PAK5: variants seen among roughly 807,000 people sequenced by gnomAD.
PAK5 encodes p21 (RAC1) activated kinase 5, also known as serine/threonine-protein kinase PAK 5.
In PAK5, 16 loss-of-function variants were observed where a neutral mutation model predicts 65.9. The observed-to-expected ratio is 0.24, with a 90% CI of 0.16 to 0.37. PAK5 has a LOEUF of 0.37. Ranked by LOEUF, PAK5 falls within the 10% of genes least tolerant of loss-of-function variation. The pLI is 1.00. For synonymous variants in PAK5, 371 were observed against 354.9 expected (o/e 1.05, Z -0.51); for missense variants, 785 against 903.9 (o/e 0.87, Z 1.69).
At position 9,677,077 on chromosome 20, in the gene PAK5, GTGTGTGTGTGT is replaced by G. The variant is rs773573940; in HGVS notation, c.-11-32749_-11-32739del. Among the ~76,000 whole-genome samples the G allele has an allele frequency of 7.3e-4, 73 of 100,666 alleles. 1 individual carries two copies. Among genetic ancestry groups the G allele is most frequent in the Non-Finnish European group, 1.4e-3 (64 of 44,154 alleles). 66.0% of individuals were successfully genotyped at this position (100,666 alleles called of 152,430 possible). On this transcript the variant is annotated intron_variant, in intron 2 of 9. Coordinates refer to ENST00000353224, the MANE Select transcript of PAK5 (RefSeq NM_177990.4). ...TGTGTGTGTGTGTGTGTGTGTGTGT[GTGTGTGTGTGT>G]TTGTTGTTATAATTATTTTGCATGG...
intron 1 of PAK5, among the ~76,000 whole-genome samples, chr20:9,804,369 CAT>C (rs1480693561): frequency 6.6e-6 from 1 of 152,132 alleles, no homozygotes; most frequent in African/African-American, 2.4e-5. Context: ...AGAGGATAGA[CAT>C]ATACATCAAT....
At chr20:9,742,726 G>A (rs896926608) in intron 1 of PAK5, among the ~76,000 whole-genome samples, 1 of 152,074 alleles carries the variant, frequency 6.6e-6, no homozygotes, top group African/African-American at 2.4e-5. Flanking sequence ...AAATGGTAAG[G>A]CCTCAAAAGT....
intron 2 of PAK5, among the ~76,000 whole-genome samples, chr20:9,682,930 T>C (rs1243723333): frequency 1.3e-5 from 2 of 152,220 alleles, no homozygotes. Context: ...ATATATTCTG[T>C]GAAAGAAGCT....
chr20:9,705,026 T>A (rs1455957912), intron 2 of PAK5, among the ~76,000 whole-genome samples: 1 of 152,192 alleles, frequency 6.6e-6, no homozygotes, highest in African/African-American at 2.4e-5. Context: ...TAGTTTTATG[T>A]CTAGAGGCAT....
chr20:9,744,973 T>C (rs1330571315), intron 1 of PAK5, among the ~76,000 whole-genome samples: 1 of 152,148 alleles, frequency 6.6e-6, no homozygotes, highest in Non-Finnish European at 1.5e-5. Context: ...GAAAAAATTT[T>C]AACAACAGGA....
intron 2 of PAK5, among the ~76,000 whole-genome samples, chr20:9,676,790 A>T (rs7262009): frequency 1.3e-5 from 2 of 152,164 alleles, no homozygotes; most frequent in African/African-American, 4.8e-5. Context: ...ACCCAGAAGG[A>T]CAAAGAAACT....
chr20:9,780,963 C>T (rs1372023662), intron 1 of PAK5, among the ~76,000 whole-genome samples: 1 of 152,028 alleles, frequency 6.6e-6, no homozygotes, highest in East Asian at 1.9e-4. Context: ...TGACAGAGGT[C>T]TCAGATTGAA....
intron 3 of PAK5, among the ~76,000 whole-genome samples, chr20:9,615,433 T>C (rs947742174): frequency 6.6e-6 from 1 of 152,174 alleles, no homozygotes; most frequent in Admixed American, 6.5e-5. Flanking sequence ...AGGGGGCATA[T>C]GGAAATCTCT....
At chr20:9,750,468 C>G (rs945496491) in intron 1 of PAK5, among the ~76,000 whole-genome samples, 1 of 152,058 alleles carries the variant, frequency 6.6e-6, no homozygotes, top group African/African-American at 2.4e-5. Context: ...TACTGGGCAA[C>G]ATAATTGTAT....
chr20:9,803,030 G>A (rs1057147722), intron 1 of PAK5, among the ~76,000 whole-genome samples: 2 of 149,436 alleles, frequency 1.3e-5, no homozygotes, highest in East Asian at 2.0e-4. Context: ...AGCCACTAAG[G>A]TGCTGCACTA....
In PAK5 at chr20:9,631,668, T is replaced by C. The variant is rs1359395639; in HGVS notation, c.204+12457A>G. Among the ~76,000 whole-genome samples the C allele has an allele frequency of 2.6e-5, 4 of 152,164 alleles. No individual in the cohort carries two copies. In the East Asian group the frequency reaches 7.7e-4, roughly 29 times the overall value. On this transcript the variant is annotated intron_variant, in intron 3 of 9. Coordinates refer to ENST00000353224, the MANE Select transcript of PAK5 (RefSeq NM_177990.4). ...CTCAGAGAAACTGTGATAATAAATA[T>C]GTGTTCTTTGAAGCCATTAACTTAG...
At chr20:9,625,738 C>T (rs1045350902) in intron 3 of PAK5, among the ~76,000 whole-genome samples, 4 of 152,186 alleles carry the variant, frequency 2.6e-5, no homozygotes, top group Admixed American at 2.6e-4. Context: ...GCCACTGTGC[C>T]TGGCTCTGTC....
Position 9,580,525 on chromosome 20 carries a change from C to A in PAK5, c.610G>T (p.Asp204Tyr), listed in dbSNP as rs774601283. The change falls in exon 4 of 10, where the codon GAC becomes TAC. Residue 204 changes from aspartate (D) to tyrosine (Y), a missense_variant. By Grantham distance (160) the Asp-to-Tyr change is radical. Transcript: ENST00000353224. ...TATTCACTTGGTTTGCTCAGTGAGTCCAAATGTGAGTGATAATCGGCAGAA... is the reference window on the plus strand; with the variant it reads ...TATTCACTTGGTTTGCTCAGTGAGTACAAATGTGAGTGATAATCGGCAGAA... ...RFSADYHSHLDSLSKPSEYSD... is the reference protein window; with the variant it reads ...RFSADYHSHLYSLSKPSEYSD... 7 of 1,614,076 alleles carry A rather than the reference C, an allele frequency of 4.3e-6. No homozygotes were observed. Among genetic ancestry groups the A allele is most frequent in the Non-Finnish European group, 5.9e-6 (7 of 1,180,020 alleles).
chr20:9,706,471 C>CTTTTTTTT (rs34420250), intron 2 of PAK5, among the ~76,000 whole-genome samples: 1 of 125,412 alleles, frequency 8.0e-6, no homozygotes, highest in Non-Finnish European at 1.7e-5. Context: ...TCTACAAACT[C>CTTTTTTTT]TTTTTTTTTT....
chr20:9,822,733 T>C (rs2049437605), intron 1 of PAK5, among the ~76,000 whole-genome samples: 1 of 152,364 alleles, frequency 6.6e-6, no homozygotes, highest in Non-Finnish European at 1.5e-5. Flanking sequence ...CCCATATGCC[T>C]ACTGACTTCC....
chr20:9,752,656 A>G (rs2048590015), intron 1 of PAK5, among the ~76,000 whole-genome samples: 1 of 152,188 alleles, frequency 6.6e-6, no homozygotes, highest in Non-Finnish European at 1.5e-5. Flanking sequence ...AAATTTAAAA[A>G]TAAGACTAAG....
At chr20:9,543,675 G>A (rs983309358) in intron 8 of PAK5, among the ~76,000 whole-genome samples, 4 of 152,096 alleles carry the variant, frequency 2.6e-5, no homozygotes, top group African/African-American at 4.8e-5. Flanking sequence ...ATGCCTAGCC[G>A]AAACATACCC....
intron 1 of PAK5, among the ~76,000 whole-genome samples, chr20:9,762,989 T>C (rs895440570): frequency 6.6e-6 from 1 of 152,128 alleles, no homozygotes; most frequent in Non-Finnish European, 1.5e-5. Flanking sequence ...TAGAGGACAT[T>C]ATGCTAAGTG....
chr20:9,615,006 A>G (rs2046629635), intron 3 of PAK5, among the ~76,000 whole-genome samples: 1 of 152,232 alleles, frequency 6.6e-6, no homozygotes, highest in Admixed American at 6.5e-5. Context: ...CATATATACA[A>G]ATGTGCTACC....
Sources: allele counts gnomAD v4.1 joint callset (sites outside exome capture counted in the v4.1 genomes callset), GRCh38; gene constraint gnomAD v4.1.1; transcripts MANE v1.5; gene names NCBI Gene and HGNC (gene_info 2026-07-23, HGNC 2026-07-21).